SMAP1: variants seen among roughly 807,000 people sequenced by gnomAD.
The protein encoded by SMAP1 is small ArfGAP 1.
In SMAP1, 24 loss-of-function variants were observed where a neutral mutation model predicts 58.5. That is an observed-to-expected ratio of 0.41 (90% CI 0.30 to 0.58). SMAP1 has a LOEUF of 0.58. SMAP1 is among the 20% of genes least tolerant of loss of function. The pLI, the probability that SMAP1 is intolerant of heterozygous loss-of-function variation, is 0.29. For missense variants in SMAP1, 563 were observed against 566.3 expected (o/e 0.99, Z 0.06); for synonymous variants, 216 against 196.6 (o/e 1.10, Z -0.82).
chr6:70,810,466 CTAAT>C (rs1769338560), intron 6 of SMAP1, among the ~76,000 whole-genome samples: 1 of 152,196 alleles, frequency 6.6e-6, no homozygotes, highest in Admixed American at 6.5e-5. Flanking sequence ...TTCATCCTTC[CTAAT>C]TGTTTCCCAT....
chr6:70,775,144 C>T (rs1421507053), intron 4 of SMAP1, among the ~76,000 whole-genome samples: 1 of 151,916 alleles, frequency 6.6e-6, no homozygotes, highest in Non-Finnish European at 1.5e-5. Context: ...TAAAAATTGA[C>T]AGTATTGAGA....
chr6:70,712,256 G>A (rs1768085975), intron 1 of SMAP1, among the ~76,000 whole-genome samples: 1 of 152,176 alleles, frequency 6.6e-6, no homozygotes, highest in Admixed American at 6.5e-5. Context: ...TGTATGTTAA[G>A]CCAACCTTAT....
chr6:70,803,320 G>C (rs1019686789), intron 6 of SMAP1, among the ~76,000 whole-genome samples: 2 of 152,152 alleles, frequency 1.3e-5, no homozygotes, highest in Admixed American at 6.5e-5. Context: ...ATGGTAGTTT[G>C]TATTTCTGTG....
intron 1 of SMAP1, among the ~76,000 whole-genome samples, chr6:70,728,160 C>T (rs765970464): frequency 1.3e-5 from 2 of 152,182 alleles, no homozygotes; most frequent in Non-Finnish European, 2.9e-5. Flanking sequence ...GTAGTTCTGT[C>T]ATCTTCACCA....
chr6:70,805,432 G>A (rs1056049681), intron 6 of SMAP1, among the ~76,000 whole-genome samples: 8 of 152,064 alleles, frequency 5.3e-5, no homozygotes, highest in Non-Finnish European at 7.3e-5. Flanking sequence ...TAACTTCCTT[G>A]CGATGGGTTA....
intron 3 of SMAP1, among the ~76,000 whole-genome samples, chr6:70,760,905 A>C (rs1317736559): frequency 6.6e-6 from 1 of 152,096 alleles, no homozygotes; most frequent in African/African-American, 2.4e-5. Context: ...CTAGTGCATG[A>C]CAAATGATAA....
intron 6 of SMAP1, among the ~76,000 whole-genome samples, chr6:70,832,932 G>C (rs1267628878): frequency 6.6e-6 from 1 of 152,114 alleles, no homozygotes; most frequent in Non-Finnish European, 1.5e-5. Flanking sequence ...TCCTGAGTCT[G>C]TATTTTAAGT....
chr6:70,855,613 A>C (rs1771383796), intron 8 of SMAP1, among the ~76,000 whole-genome samples: 1 of 152,198 alleles, frequency 6.6e-6, no homozygotes, highest in Admixed American at 6.5e-5. Flanking sequence ...TACTTAATCC[A>C]ACCATTGTGC....
intron 7 of SMAP1, among the ~76,000 whole-genome samples, chr6:70,844,799 GA>G (rs1433764905): frequency 1.3e-5 from 2 of 152,116 alleles, no homozygotes; most frequent in Non-Finnish European, 2.9e-5. Flanking sequence ...TAATATAAAG[GA>G]ATTCCAAGTA....
chr6:70,769,641 T>C (rs1311474522), intron 3 of SMAP1, among the ~76,000 whole-genome samples: 2 of 152,208 alleles, frequency 1.3e-5, no homozygotes, highest in Non-Finnish European at 2.9e-5. Flanking sequence ...TGAGCCTATG[T>C]GTGTCTCTGC....
chr6:70,822,824 T>C (rs545430537), intron 6 of SMAP1, among the ~76,000 whole-genome samples: 2 of 152,262 alleles, frequency 1.3e-5, no homozygotes, highest in African/African-American at 2.4e-5. Flanking sequence ...GATATTCTTT[T>C]CCATTTCTTC....
chr6:70,706,469 G>A lies in SMAP1; in HGVS notation c.119-25909G>A, dbSNP rs552572627. Among the ~76,000 whole-genome samples the A allele has an allele frequency of 2.6e-4, 39 of 152,158 alleles. No individual in the cohort carries two copies. The South Asian group carries it at 3.9e-3, about 15-fold the overall frequency. The stretch of plus-strand genomic sequence containing the variant: ...GGAACAGACATACCTTAGTAAACTG[G>A]CATATTATACTTTTATCTGGCTGCT... On this transcript the variant is annotated intron_variant, in intron 1 of 10. Transcript: ENST00000370455.
Position 70,860,742 on chromosome 6 carries a change from C to A in SMAP1, c.*408C>A, listed in dbSNP as rs1232011504. The A allele has an allele frequency of 2.5e-6, 1 of 400,688 alleles. No homozygotes were observed. Among genetic ancestry groups the A allele is most frequent in the Admixed American group, 4.3e-5 (1 of 23,202 alleles). 24.8% of individuals were successfully genotyped at this position (400,688 alleles called of 1,614,324 possible). A position where few individuals can be genotyped will look rare whatever the true frequency, so the allele number is the denominator to read the frequency against. ...ATCCTGTAGGAAGGTACTGTATGAT[C>A]AAATGTTTAATCATATAAATAGAAT... On this transcript the variant is annotated 3_prime_UTR_variant, in exon 11 of 11. Transcript: ENST00000370455.
chr6:70,804,930 CTT>C (rs199998515), intron 6 of SMAP1, among the ~76,000 whole-genome samples: 13 of 143,070 alleles, frequency 9.1e-5, no homozygotes, highest in East Asian at 8.1e-4. Flanking sequence ...GTCCTTAACA[CTT>C]TTTTTTTTTT....
At chr6:70,778,952 GT>G (rs545829070) in intron 4 of SMAP1, among the ~76,000 whole-genome samples, 4 of 152,334 alleles carry the variant, frequency 2.6e-5, no homozygotes, top group Non-Finnish European at 5.9e-5. Context: ...TGTGTGGATG[GT>G]GGCCAACCGG....
At chr6:70,855,360 G>A (rs946289309) in intron 8 of SMAP1, among the ~76,000 whole-genome samples, 3 of 152,156 alleles carry the variant, frequency 2.0e-5, no homozygotes, top group Admixed American at 6.5e-5. Context: ...CTGTGTCCTT[G>A]TTGAGGTAGA....
chr6:70,758,834 G>T (rs1200020266), intron 3 of SMAP1, among the ~76,000 whole-genome samples: 4 of 152,048 alleles, frequency 2.6e-5, no homozygotes, highest in African/African-American at 9.7e-5. Flanking sequence ...TGACCATAAA[G>T]CTTATTCACT....
intron 6 of SMAP1, among the ~76,000 whole-genome samples, chr6:70,826,217 GA>G: frequency 6.6e-6 from 1 of 152,254 alleles, no homozygotes; most frequent in Admixed American, 6.5e-5. Context: ...TGAATAATAA[GA>G]AACTTTTTAG....
intron 2 of SMAP1, among the ~76,000 whole-genome samples, chr6:70,737,462 A>G (rs17695615): frequency 0.01 from 1,596 of 152,278 alleles, 13 homozygotes; most frequent in Non-Finnish European, 0.016. Context: ...TGTATTTTGC[A>G]TATTCCTTGT....
Sources: gnomAD v4.1 joint callset for allele counts (sites outside exome capture counted in the v4.1 genomes callset) on GRCh38, gnomAD v4.1.1 for gene constraint, MANE v1.5 for transcripts, NCBI Gene and HGNC (gene_info 2026-07-23, HGNC 2026-07-21) for gene names.